Variants in ARHGAP15 observed in about 807,000 individuals in gnomAD.
ARHGAP15 encodes the protein Rho GTPase activating protein 15.
Under a neutral mutation model 63.7 loss-of-function variants are expected in ARHGAP15, and 51 were observed. That is an observed-to-expected ratio of 0.80 (90% CI 0.64 to 1.01). The LOEUF (loss-of-function observed/expected upper bound fraction) is 1.01. Among genes scored for constraint, ARHGAP15 ranks in the 50% least tolerant of loss-of-function variants. The pLI, the probability that ARHGAP15 is intolerant of heterozygous loss-of-function variation, is 0.00. For synonymous variants in ARHGAP15, 191 were observed against 193.8 expected, an observed-to-expected ratio of 0.99 and a Z score of 0.12; for missense variants, 560 against 564.6, an observed-to-expected ratio of 0.99 and a Z score of 0.08.
At chr2:143,745,535 G>C (rs1011088174) in intron 13 of ARHGAP15, among the ~76,000 whole-genome samples, 14 of 152,094 alleles carry the variant, frequency 9.2e-5, no homozygotes, top group African/African-American at 2.7e-4. Context: ...TCTTGTTTCT[G>C]CCTTTCTATT....
intron 8 of ARHGAP15, among the ~76,000 whole-genome samples, chr2:143,482,278 G>A (rs541172344): frequency 2.6e-5 from 4 of 151,876 alleles, no homozygotes; most frequent in Admixed American, 2.0e-4. Flanking sequence ...AAAACTACTC[G>A]TTGGCTTAAC....
intron 6 of ARHGAP15, among the ~76,000 whole-genome samples, chr2:143,432,554 T>C (rs1297049718): frequency 1.3e-5 from 2 of 152,088 alleles, no homozygotes; most frequent in Non-Finnish European, 2.9e-5. Context: ...CAGACTATTC[T>C]AAGCCCACGT....
At chr2:143,244,026 A>G (rs189446637) in intron 5 of ARHGAP15, among the ~76,000 whole-genome samples, 16 of 152,356 alleles carry the variant, frequency 1.1e-4, no homozygotes, top group Admixed American at 9.8e-4. Context: ...TAAAGTTGGT[A>G]TAAAATGGAA....
chr2:143,338,933 A>C (rs915870952), intron 6 of ARHGAP15, among the ~76,000 whole-genome samples: 5 of 152,194 alleles, frequency 3.3e-5, no homozygotes, highest in African/African-American at 1.2e-4. Context: ...CTGGGTTCCA[A>C]AATTCAAGTT....
At chr2:143,638,969 G>T (rs1380753908) in intron 12 of ARHGAP15, among the ~76,000 whole-genome samples, 2 of 151,702 alleles carry the variant, frequency 1.3e-5, no homozygotes, top group Non-Finnish European at 2.9e-5. Context: ...TCTTCCTATT[G>T]TTTCCATTTG....
intron 8 of ARHGAP15, among the ~76,000 whole-genome samples, chr2:143,442,617 G>A (rs975160036): frequency 6.6e-6 from 1 of 152,122 alleles, no homozygotes; most frequent in South Asian, 2.1e-4. Flanking sequence ...AGCATTAATG[G>A]GAAGTGAGTC....
intron 12 of ARHGAP15, among the ~76,000 whole-genome samples, chr2:143,665,450 C>T (rs1682110372): frequency 7.5e-5 from 5 of 66,658 alleles, no homozygotes; most frequent in African/African-American, 2.4e-4. Flanking sequence ...GACAAACCCA[C>T]AGCCAATATC....
chr2:143,163,560 C>T (rs1423170579), intron 2 of ARHGAP15, among the ~76,000 whole-genome samples: 1 of 151,894 alleles, frequency 6.6e-6, no homozygotes, highest in Non-Finnish European at 1.5e-5. Context: ...CAAGGTTCTT[C>T]TTCTGTAAAT....
chr2:143,207,690 C>G (rs1036122511), intron 3 of ARHGAP15, among the ~76,000 whole-genome samples: 1 of 152,028 alleles, frequency 6.6e-6, no homozygotes, highest in Non-Finnish European at 1.5e-5. Context: ...GAATTTCTTA[C>G]TTACTGTTAT....
chr2:143,421,106 G>T (rs1305812470), intron 6 of ARHGAP15, among the ~76,000 whole-genome samples: 1 of 152,122 alleles, frequency 6.6e-6, no homozygotes, highest in African/African-American at 2.4e-5. Flanking sequence ...AGGTATCTCA[G>T]ATGTATTCCA....
chr2:143,206,696 G>A (rs564302465), intron 3 of ARHGAP15, among the ~76,000 whole-genome samples: 25 of 152,082 alleles, frequency 1.6e-4, no homozygotes, highest in African/African-American at 5.1e-4. Flanking sequence ...TTAAAACTTC[G>A]TATAAAGGCT....
intron 6 of ARHGAP15, among the ~76,000 whole-genome samples, chr2:143,273,388 T>C (rs1466738152): frequency 6.6e-6 from 1 of 152,168 alleles, no homozygotes; most frequent in East Asian, 1.9e-4. Context: ...GACTTCATGA[T>C]AAACCCTTTG....
chr2:143,453,107 A>G (rs1574470204), intron 8 of ARHGAP15, among the ~76,000 whole-genome samples: 2 of 151,942 alleles, frequency 1.3e-5, no homozygotes, highest in African/African-American at 2.4e-5. Context: ...TGTCAACCCT[A>G]TGCAGCTCAG....
chr2:143,364,219 AC>A (rs772231858), intron 6 of ARHGAP15, among the ~76,000 whole-genome samples: 39 of 152,090 alleles, frequency 2.6e-4, no homozygotes, highest in Non-Finnish European at 4.4e-4. Context: ...AAAAAAAAAA[AC>A]ATTCAATCAT....
At chr2:143,685,386 G>A (rs905346124) in intron 12 of ARHGAP15, among the ~76,000 whole-genome samples, 4 of 152,154 alleles carry the variant, frequency 2.6e-5, no homozygotes, top group African/African-American at 9.7e-5. Context: ...GCATTTTCAG[G>A]ATAGACACAT....
intron 10 of ARHGAP15, among the ~76,000 whole-genome samples, chr2:143,542,465 C>T (rs1574608308): frequency 1.3e-5 from 2 of 152,088 alleles, no homozygotes; most frequent in South Asian, 4.1e-4. Context: ...TCTTCTGCGT[C>T]ACTCACACTG....
chr2:143,277,377 C>T (rs1313495297), intron 6 of ARHGAP15, among the ~76,000 whole-genome samples: 1 of 151,892 alleles, frequency 6.6e-6, no homozygotes, highest in Non-Finnish European at 1.5e-5. Context: ...GATTCAGGGA[C>T]TCATATCAGG....
At chr2:143,223,509 A>G (rs915726501) in intron 4 of ARHGAP15, among the ~76,000 whole-genome samples, 3 of 152,084 alleles carry the variant, frequency 2.0e-5, no homozygotes, top group Non-Finnish European at 4.4e-5. Context: ...ATAGAAAACT[A>G]TTCTCTCAAA....
At chr2:143,704,243 T>C (rs530287167) in intron 13 of ARHGAP15, among the ~76,000 whole-genome samples, 2 of 152,196 alleles carry the variant, frequency 1.3e-5, no homozygotes, top group Admixed American at 6.5e-5. Flanking sequence ...AATGCTACAA[T>C]TGAGGGAGTG....
Sources: allele counts gnomAD v4.1 joint callset (sites outside exome capture counted in the v4.1 genomes callset), GRCh38; gene constraint gnomAD v4.1.1; transcripts MANE v1.5; gene names NCBI Gene and HGNC (gene_info 2026-07-23, HGNC 2026-07-21).